Variants in TANC1 observed in about 807,000 individuals in gnomAD.
TANC1 encodes protein TANC1.
A neutral mutation model predicts 149.7 loss-of-function variants in TANC1; 77 were observed. The ratio of observed to expected loss-of-function variants is 0.51; its 90% CI spans 0.43 to 0.62. The LOEUF is 0.62. Ranked by LOEUF, TANC1 falls within the 20% of genes least tolerant of loss-of-function variation. The probability of loss-of-function intolerance (pLI) is 0.00; values close to 1 mark genes in which losing one functional copy is unlikely to be tolerated. For missense variants in TANC1, 1,985 were observed against 2,321.8 expected (o/e 0.85, Z 2.98); for synonymous variants, 854 against 925.0 (o/e 0.92, Z 1.39).
At chr2:159,068,118 C>A (rs1479982825) in intron 3 of TANC1, among the ~76,000 whole-genome samples, 1 of 152,124 alleles carries the variant, frequency 6.6e-6, no homozygotes. Context: ...TTGTATTAGG[C>A]TAGCAACAAA....
intron 1 of TANC1, among the ~76,000 whole-genome samples, chr2:158,980,886 G>C (rs2034231735): frequency 6.6e-6 from 1 of 151,906 alleles, no homozygotes; most frequent in Non-Finnish European, 1.5e-5. Flanking sequence ...GTTGTTGTTT[G>C]TCTCTTTCGT....
intron 3 of TANC1, among the ~76,000 whole-genome samples, chr2:159,077,815 G>A (rs2043851562): frequency 6.6e-6 from 1 of 152,146 alleles, no homozygotes. Flanking sequence ...CATAAGAATA[G>A]TTGTAAGAAA....
intron 4 of TANC1, among the ~76,000 whole-genome samples, chr2:159,132,802 G>A (rs1177620619): frequency 1.3e-4 from 19 of 151,790 alleles, no homozygotes; most frequent in Admixed American, 1.2e-3. Flanking sequence ...CCTGGGTACA[G>A]TATTTGAACC....
chr2:159,094,999 G>A (rs1167414659), intron 3 of TANC1, among the ~76,000 whole-genome samples: 1 of 151,904 alleles, frequency 6.6e-6, no homozygotes, highest in Admixed American at 6.6e-5. Flanking sequence ...GAGCTAGAGT[G>A]CAGTGGTGTG....
intron 2 of TANC1, among the ~76,000 whole-genome samples, chr2:159,012,284 C>G (rs2037847122): frequency 6.6e-6 from 1 of 152,208 alleles, no homozygotes; most frequent in Non-Finnish European, 1.5e-5. Flanking sequence ...GCTGCTGTTT[C>G]TATTTTAGTA....
chr2:159,173,464 G>C (rs1462421749), intron 11 of TANC1, among the ~76,000 whole-genome samples: 4 of 152,114 alleles, frequency 2.6e-5, no homozygotes, highest in Non-Finnish European at 4.4e-5. Flanking sequence ...AATTAGCCAG[G>C]CATGGTGCCA....
rs77302541 is a variant in TANC1 at position 159,044,501 on chromosome 2, C to G, written c.-15-21395C>G. 1.7e-3 allele frequency among the ~76,000 whole-genome samples: 264 copies of G among 152,144 alleles called. 3 individuals are homozygous for G. Among genetic ancestry groups the G allele is most frequent in the African/African-American group, 5.8e-3 (239 of 41,500 alleles). On this transcript the variant is annotated intron_variant, in intron 2 of 26. Coordinates refer to ENST00000263635, the MANE Select transcript of TANC1 (RefSeq NM_033394.3). ...TAATGTATATGATCTATGTTCTAGT[C>G]ATCTTTTTATTTGCATTCTGTCTCC...
At chr2:158,979,771 A>G (rs1559093867) in intron 1 of TANC1, among the ~76,000 whole-genome samples, 2 of 152,238 alleles carry the variant, frequency 1.3e-5, no homozygotes, top group African/African-American at 4.8e-5. Context: ...AATTTGTTTC[A>G]TTGTAGATTC....
chr2:159,198,882 TAAA>T, intron 18 of TANC1, 90 bp from the exon 19 acceptor site: 2 of 885,646 alleles, frequency 2.3e-6, no homozygotes, highest in Non-Finnish European at 1.8e-6. Flanking sequence ...AGATAATGGT[TAAA>T]AAACAACACA....
intron 14 of TANC1, among the ~76,000 whole-genome samples, chr2:159,180,520 G>GGT (rs2056371274): frequency 6.6e-6 from 1 of 152,200 alleles, no homozygotes; most frequent in Admixed American, 6.5e-5. Flanking sequence ...AGCTAGGGTG[G>GGT]GTGCCTGTGG....
chr2:159,200,687 T>C (rs922021925), intron 19 of TANC1, among the ~76,000 whole-genome samples: 1 of 152,192 alleles, frequency 6.6e-6, no homozygotes, highest in Non-Finnish European at 1.5e-5. Context: ...CCAGTCTTTA[T>C]CTAGATCAGA....
intron 2 of TANC1, among the ~76,000 whole-genome samples, chr2:159,051,429 A>G (rs1048722400): frequency 6.6e-6 from 1 of 152,202 alleles, no homozygotes; most frequent in African/African-American, 2.4e-5. Flanking sequence ...TGACAGAATC[A>G]GTGATCAAAG....
At chr2:159,160,057 C>T (rs1402761636) in intron 7 of TANC1, among the ~76,000 whole-genome samples, 8 of 152,152 alleles carry the variant, frequency 5.3e-5, no homozygotes, top group African/African-American at 1.4e-4. Flanking sequence ...GAAGATAAGA[C>T]ACTGTCCTTG....
At chr2:159,011,527 ATTTTTTTTTT>A (rs10586189) in intron 2 of TANC1, among the ~76,000 whole-genome samples, 1 of 106,726 alleles carries the variant, frequency 9.4e-6, no homozygotes, top group Non-Finnish European at 1.8e-5. Context: ...TACACCTTAA[ATTTTTTTTTT>A]TTTTTTTTTT....
Position 159,231,762 on chromosome 2 carries a change from A to G in TANC1, c.*750A>G, listed in dbSNP as rs2060340678. ...CAAGTGGATTCAAGCTAAAATACTA[A>G]GACCAGCATTCTTAGTGGCGCTTAT... is the stretch of plus-strand genomic sequence containing the variant. On this transcript the variant is annotated 3_prime_UTR_variant, in exon 27 of 27. Coordinates refer to ENST00000263635, the MANE Select transcript of TANC1 (RefSeq NM_033394.3). 1 of 152,214 alleles carries G rather than the reference A, an allele frequency of 6.6e-6. No homozygotes were observed. Among genetic ancestry groups the G allele is most frequent in the Admixed American group, 6.5e-5 (1 of 15,274 alleles). The allele number at this position is 152,214 out of a possible 1,614,324, so 9.4% of individuals were successfully genotyped here. A position where few individuals can be genotyped will look rare whatever the true frequency, so the allele number is the denominator to read the frequency against.
intron 2 of TANC1, among the ~76,000 whole-genome samples, chr2:159,007,337 G>T (rs2149357817): frequency 6.6e-6 from 1 of 152,132 alleles, no homozygotes; most frequent in South Asian, 2.1e-4. Context: ...ATAGAGACAG[G>T]GTTTTTCCAT....
At chr2:159,116,160 C>T (rs560464068) in intron 4 of TANC1, among the ~76,000 whole-genome samples, 2 of 152,204 alleles carry the variant, frequency 1.3e-5, no homozygotes, top group East Asian at 3.9e-4. Flanking sequence ...GGCGCGGTGG[C>T]TCACACTTGT....
chr2:159,149,379 G>T, intron 6 of TANC1, 107 bp downstream of exon 6: 1 of 1,508,800 alleles, frequency 6.6e-7, no homozygotes, highest in South Asian at 1.1e-5. Context: ...TCAGTTAAAT[G>T]AGTTCTGGGC....
chr2:159,186,314 G>T (rs1406348080), intron 15 of TANC1, among the ~76,000 whole-genome samples: 2 of 152,134 alleles, frequency 1.3e-5, no homozygotes, highest in Non-Finnish European at 2.9e-5. Context: ...GGAGAGCAGT[G>T]GTGGGATCAT....
Sources: gnomAD v4.1 joint callset for allele counts (sites outside exome capture counted in the v4.1 genomes callset) on GRCh38, gnomAD v4.1.1 for gene constraint, MANE v1.5 for transcripts, NCBI Gene and HGNC (gene_info 2026-07-23, HGNC 2026-07-21) for gene names.